Variants in PCDHGA6 observed in about 807,000 individuals in gnomAD.
PCDHGA6 encodes the protein protocadherin gamma subfamily A, 6, also known as protocadherin gamma-A6.
PCDHGA6 carries 41 observed loss-of-function variants against 60.6 expected under a neutral mutation model. The observed-to-expected ratio is 0.68, with a 90% confidence interval of 0.53 to 0.88. The LOEUF (loss-of-function observed/expected upper bound fraction) is 0.88, where lower values mean the gene tolerates loss of function less well. Among genes scored for constraint, PCDHGA6 ranks in the 40% least tolerant of loss-of-function variants. PCDHGA6 has a pLI of 0.00. For synonymous variants in PCDHGA6, 594 were observed against 524.4 expected (o/e 1.13, Z -1.81); for missense variants, 1,312 against 1,203.0 (o/e 1.09, Z -1.34).
Position 141,487,931 on chromosome 5 carries a change from G to A in PCDHGA6, c.2425-6876G>A. The stretch of plus-strand genomic sequence containing the variant: ...AGCACAGGAGGCTACAGTGCACAGG[G>A]TACAGTGCACCAGGCAGTCACTTGG... On this transcript the variant is annotated intron_variant, in intron 1 of 3. Transcript: ENST00000517434. The surrounding 1 kb of genome is among the most constrained non-coding windows in gnomAD (Gnocchi z 5.0). The A allele has an allele frequency of 1.6e-6, 1 of 612,954 alleles. No homozygotes were observed. The highest frequency in any genetic ancestry group is 2.8e-6 in the Non-Finnish European group (1 of 351,318). 38.0% of individuals were successfully genotyped at this position (612,954 alleles called of 1,614,324 possible). A position where few individuals can be genotyped will look rare whatever the true frequency, so the allele number is the denominator to read the frequency against.
intron 1 of PCDHGA6, chr5:141,398,655 A>G (rs760602313): frequency 3.1e-6 from 5 of 1,614,034 alleles, no homozygotes; most frequent in Non-Finnish European, 4.2e-6. Context: ...CTCTTAACCC[A>G]AGTTTCTCAT....
chr5:141,414,023 A>G lies in PCDHGA6; in HGVS notation c.2424+37516A>G, dbSNP rs746044242. 5 of 1,612,692 alleles carry G rather than the reference A, an allele frequency of 3.1e-6. No homozygotes were observed. The highest frequency in any genetic ancestry group is 2.2e-5 in the East Asian group (1 of 44,836). ...GAAGGTGCCAATGGAGAAGTGACAT[A>G]TTCATTCCGAAAATTACCTGACACG... On this transcript the variant is annotated intron_variant, in intron 1 of 3. Transcript: ENST00000517434.
chr5:141,491,441 A>G lies in PCDHGA6; in HGVS notation c.2425-3366A>G, dbSNP rs776616506. 1.2e-6 allele frequency: 2 copies of G among 1,614,146 alleles called. No homozygotes were observed. The highest frequency in any genetic ancestry group is 1.7e-6 in the Non-Finnish European group (2 of 1,180,032). ...GGTGGAGGGCAGTGCTGCAGGCGCCAGGACTCACCCTCCCCGGACTTCTAT... is the reference window on the plus strand; with the variant it reads ...GGTGGAGGGCAGTGCTGCAGGCGCCGGGACTCACCCTCCCCGGACTTCTAT... On this transcript the variant is annotated intron_variant, in intron 1 of 3. Coordinates refer to ENST00000517434, the MANE Select transcript of PCDHGA6 (RefSeq NM_018919.3). The surrounding 1 kb of genome is among the most constrained non-coding windows in gnomAD (Gnocchi z 6.9).
rs70988800 is a variant in PCDHGA6 at position 141,379,889 on chromosome 5, C to CTTTTTTTTTTTTTTTTTTTTTTTTTTTTT, written c.2424+3384_2424+3412dup. On this transcript the variant is annotated intron_variant, in intron 1 of 3. Coordinates refer to ENST00000517434, the MANE Select transcript of PCDHGA6 (RefSeq NM_018919.3). The stretch of plus-strand genomic sequence containing the variant: ...CTTATTTTATGGTCTGTGAAAGCCT[C>CTTTTTTTTTTTTTTTTTTTTTTTTTTTTT]TTTTTTTTTTTTTTTTTTTTTTTTT... Among the ~76,000 whole-genome samples the CTTTTTTTTTTTTTTTTTTTTTTTTTTTTT allele has an allele frequency of 3.3e-4, 17 of 50,832 alleles. 3 individuals are homozygous for CTTTTTTTTTTTTTTTTTTTTTTTTTTTTT. Among genetic ancestry groups the CTTTTTTTTTTTTTTTTTTTTTTTTTTTTT allele is most frequent in the Non-Finnish European group, 5.0e-4 (13 of 25,882 alleles). 33.3% of individuals were successfully genotyped at this position (50,832 alleles called of 152,430 possible).
intron 1 of PCDHGA6, chr5:141,388,653 C>T (rs1315025499): frequency 6.2e-7 from 1 of 1,613,728 alleles, no homozygotes; most frequent in Non-Finnish European, 8.5e-7. Context: ...AAACGTGTAC[C>T]CGGGGACCAC....
chr5:141,456,746 T>C (rs548254725), intron 1 of PCDHGA6, among the ~76,000 whole-genome samples: 51 of 151,874 alleles, frequency 3.4e-4, no homozygotes, highest in African/African-American at 1.0e-3. Context: ...GGGAGCATCA[T>C]GAGGTCAGGA....
In PCDHGA6 at chr5:141,417,713, C is replaced by T. The variant is rs905298887; in HGVS notation, c.2424+41206C>T. 1.3e-4 allele frequency: 160 copies of T among 1,271,624 alleles called. No homozygotes were observed. In the Admixed American group the frequency reaches 4.6e-3, roughly 37 times the overall value. The allele number at this position is 1,271,624 out of a possible 1,614,324, so 78.8% of individuals were successfully genotyped here. On this transcript the variant is annotated intron_variant, in intron 1 of 3. Transcript: ENST00000517434. ...AAACCAGCTCCCACACAGAGGCTCC[C>T]GGCTGCGCAGACCTTGCCCAGCACA... is the stretch of plus-strand genomic sequence containing the variant.
intron 1 of PCDHGA6, chr5:141,420,314 A>G (rs1454977890): frequency 6.9e-7 from 1 of 1,442,692 alleles, no homozygotes; most frequent in African/African-American, 1.4e-5. Flanking sequence ...TTTATATTAC[A>G]ATATGCCAAT....
rs539620413 is a variant in PCDHGA6, at chr5:141,488,489, G to GT, written c.2425-6317dup. Among the ~76,000 whole-genome samples the GT allele has an allele frequency of 1.6e-4, 25 of 152,268 alleles. No homozygotes were observed. In the South Asian group the frequency reaches 4.6e-3, roughly 28 times the overall value. On this transcript the variant is annotated intron_variant, in intron 1 of 3. Transcript: ENST00000517434. ...AGAAATGTTCCCCTACCCAAAAACT[G>GT]TAACACTCATTCCACATTTGGGGTC...
chr5:141,501,706 T>TA (rs2099810629), intron 2 of PCDHGA6, among the ~76,000 whole-genome samples: 1 of 152,094 alleles, frequency 6.6e-6, no homozygotes, highest in South Asian at 2.1e-4. Flanking sequence ...ATTCCGAGGA[T>TA]AAAAAAGACA....
chr5:141,448,786 A>C (rs1354591718), intron 1 of PCDHGA6, among the ~76,000 whole-genome samples: 1 of 148,848 alleles, frequency 6.7e-6, no homozygotes, highest in African/African-American at 2.5e-5. Flanking sequence ...TAAAAATACA[A>C]AAAAAAAAAT....
At position 141,374,373 on chromosome 5, in the gene PCDHGA6, C is replaced by A. The variant is rs370590731; in HGVS notation, c.290C>A (p.Ala97Asp). 7.4e-6 allele frequency: 12 copies of A among 1,613,934 alleles called. No homozygotes were observed. Among genetic ancestry groups the A allele is most frequent in the Non-Finnish European group, 8.5e-7 (1 of 1,179,910 alleles). The change falls in exon 1 of 4, where the codon GCT becomes GAT. Residue 97 changes from alanine to aspartate, a missense_variant. Physicochemically the swap from Ala to Asp is moderately radical, Grantham distance 126. Transcript: ENST00000517434. ...AGGATAGACCGCGAGGAGCTCTGTGCTCAGAGCCCGCGGTGTCTGGTGAGT... is the reference window on the plus strand; with the variant it reads ...AGGATAGACCGCGAGGAGCTCTGTGATCAGAGCCCGCGGTGTCTGGTGAGT... ...AGRIDREELC[A>D]QSPRCLVSFN...
chr5:141,497,812 T>C (rs947015544), intron 2 of PCDHGA6, among the ~76,000 whole-genome samples: 2 of 152,202 alleles, frequency 1.3e-5, no homozygotes, highest in African/African-American at 4.8e-5. Flanking sequence ...AGTGCTAGAA[T>C]TACAGGTGTG....
At position 141,487,051 on chromosome 5, in the gene PCDHGA6, G is replaced by A. The variant is rs1348441475; in HGVS notation, c.2425-7756G>A. The A allele has an allele frequency of 3.7e-6, 6 of 1,614,024 alleles. No individual in the cohort carries two copies. The highest frequency in any genetic ancestry group is 5.1e-6 in the Non-Finnish European group (6 of 1,180,024). On this transcript the variant is annotated intron_variant, in intron 1 of 3. Coordinates refer to ENST00000517434, the MANE Select transcript of PCDHGA6 (RefSeq NM_018919.3). This position sits in a 1 kb window ranked among gnomAD's most constrained non-coding sequence, Gnocchi z 5.0. ...TGTTTGCAGTCTCTCGATATGCTGG[G>A]GAGGTGCGGACGGCTGTTCCTATCC... is the stretch of plus-strand genomic sequence containing the variant.
At position 141,432,374 on chromosome 5, in the gene PCDHGA6, C is replaced by G; in HGVS notation, c.2424+55867C>G. The G allele has an allele frequency of 6.2e-7, 1 of 1,614,240 alleles. No individual in the cohort carries two copies. The highest frequency in any genetic ancestry group is 1.1e-5 in the South Asian group (1 of 91,082). ...GAAAGTGATGGCGCGGGACAACGGG[C>G]ACCCGCCCCTCAGCAGCAACGTGTC... On this transcript the variant is annotated intron_variant, in intron 1 of 3. Transcript: ENST00000517434. The surrounding 1 kb of genome is among the most constrained non-coding windows in gnomAD (Gnocchi z 6.0).
At chr5:141,459,693 C>A (rs1014443574) in intron 1 of PCDHGA6, among the ~76,000 whole-genome samples, 1 of 152,210 alleles carries the variant, frequency 6.6e-6, no homozygotes, top group African/African-American at 2.4e-5. Flanking sequence ...AAGCGTTCCG[C>A]TTGCTACATT....
chr5:141,388,026 G>A, intron 1 of PCDHGA6: 1 of 1,446,900 alleles, frequency 6.9e-7, no homozygotes, highest in South Asian at 1.3e-5. Flanking sequence ...CTCCGTAGTG[G>A]GGAACCTCGC....
intron 1 of PCDHGA6, chr5:141,392,651 C>G (rs1228467133): frequency 1.4e-6 from 1 of 708,830 alleles, no homozygotes; most frequent in Non-Finnish European, 2.2e-6. Flanking sequence ...CGAAGACCCG[C>G]AGATGCCACA....
intron 1 of PCDHGA6, among the ~76,000 whole-genome samples, chr5:141,463,024 A>G (rs2099051235): frequency 6.6e-6 from 1 of 152,070 alleles, no homozygotes; most frequent in South Asian, 2.1e-4. Context: ...GACTTTTTTG[A>G]TTAATCTGAG....
Sources: gnomAD v4.1 joint callset for allele counts (sites outside exome capture counted in the v4.1 genomes callset) on GRCh38, gnomAD v4.1.1 for gene constraint, Gnocchi (gnomAD v3.1) non-coding constraint, MANE v1.5 for transcripts, NCBI Gene and HGNC (gene_info 2026-07-23, HGNC 2026-07-21) for gene names.